Variants in SGCZ observed in about 807,000 individuals in gnomAD.
SGCZ encodes the protein zeta-sarcoglycan.
SGCZ carries 40 observed loss-of-function variants against 41.3 expected under a neutral mutation model. The observed-to-expected ratio is 0.97, with a 90% confidence interval of 0.75 to 1.26. The LOEUF is 1.26. Ranked by LOEUF, SGCZ falls within the 50% of genes most tolerant of loss-of-function variation. SGCZ has a pLI of 0.00. For missense variants in SGCZ, 552 were observed against 369.8 expected, an observed-to-expected ratio of 1.49 and a Z score of -4.04; for synonymous variants, 206 against 137.5, an observed-to-expected ratio of 1.50 and a Z score of -3.49.
chr8:14,624,555 A>ATTATTATTATTTTT (rs1438250019), intron 1 of SGCZ, among the ~76,000 whole-genome samples: 8 of 96,246 alleles, frequency 8.3e-5, no homozygotes, highest in East Asian at 3.9e-4. Flanking sequence ...TATTATTATT[A>ATTATTATTATTTTT]TTTTTTTTTT....
At chr8:14,243,696 G>A (rs962728200) in intron 3 of SGCZ, among the ~76,000 whole-genome samples, 1 of 152,084 alleles carries the variant, frequency 6.6e-6, no homozygotes, top group East Asian at 1.9e-4. Context: ...TCCCAGGCCT[G>A]AAATTCTTAT....
chr8:14,652,355 T>TGAG (rs1218692209), intron 1 of SGCZ, among the ~76,000 whole-genome samples: 1 of 11,476 alleles, frequency 8.7e-5, no homozygotes, highest in Non-Finnish European at 1.9e-4. Flanking sequence ...AAGGGGGGGG[T>TGAG]GTGGGGGGGA....
intron 3 of SGCZ, among the ~76,000 whole-genome samples, chr8:14,278,674 T>C (rs1253669546): frequency 1.3e-5 from 2 of 152,176 alleles, no homozygotes; most frequent in Admixed American, 6.6e-5. Flanking sequence ...GAAATTGCCA[T>C]TGATTTGATA....
chr8:15,203,028 A>G (rs1800943274), intron 1 of SGCZ, among the ~76,000 whole-genome samples: 1 of 152,056 alleles, frequency 6.6e-6, no homozygotes, highest in African/African-American at 2.4e-5. Flanking sequence ...GAGAATCACT[A>G]GAACCTGGGA....
At chr8:14,107,233 A>C (rs1178814451) in intron 6 of SGCZ, among the ~76,000 whole-genome samples, 1 of 129,414 alleles carries the variant, frequency 7.7e-6, no homozygotes, top group African/African-American at 2.9e-5. Flanking sequence ...AAAATAAAAA[A>C]ATAAATAAAA....
chr8:14,538,802 G>A (rs149163696), intron 2 of SGCZ, among the ~76,000 whole-genome samples: 1 of 151,830 alleles, frequency 6.6e-6, no homozygotes, highest in Non-Finnish European at 1.5e-5. Context: ...GACTTTATCT[G>A]TTAGGCAATG....
At chr8:14,301,055 A>C (rs1405889284) in intron 3 of SGCZ, among the ~76,000 whole-genome samples, 4 of 128,688 alleles carry the variant, frequency 3.1e-5, no homozygotes, top group African/African-American at 1.3e-4. Context: ...TTAGAAACAC[A>C]AGAAAATCAT....
At chr8:14,119,176 G>C (rs1172835300) in intron 5 of SGCZ, among the ~76,000 whole-genome samples, 1 of 152,148 alleles carries the variant, frequency 6.6e-6, no homozygotes, top group Non-Finnish European at 1.5e-5. Context: ...TTATGATACT[G>C]ATTCTTCTTA....
chr8:14,867,460 A>C lies in SGCZ; in HGVS notation c.40-312534T>G, dbSNP rs977042724. 5.3e-5 allele frequency among the ~76,000 whole-genome samples: 8 copies of C among 152,258 alleles called. No individual in the cohort carries two copies. The East Asian group carries it at 1.5e-3, about 29-fold the overall frequency. ...TAGAATGATTTATATTCCTTTGGGC[A>C]TACGTCCAGTAGCAGGATTGCTGGG... On this transcript the variant is annotated intron_variant, in intron 1 of 7. Transcript: ENST00000382080.
At chr8:14,303,722 CTA>C (rs1801264781) in intron 3 of SGCZ, among the ~76,000 whole-genome samples, 1 of 151,892 alleles carries the variant, frequency 6.6e-6, no homozygotes, top group African/African-American at 2.4e-5. Context: ...AAATCTCTCT[CTA>C]TATATATATA....
Position 14,193,466 on chromosome 8 carries a change from T to C in SGCZ, c.425-28764A>G, listed in dbSNP as rs79249885. 1.6e-3 allele frequency among the ~76,000 whole-genome samples: 236 copies of C among 152,188 alleles called. 2 individuals carry two copies. The highest frequency in any genetic ancestry group is 5.0e-3 in the East Asian group (26 of 5,174). ...AATGGTTTAATCATACCTTTCAATATACACGGACATATACACCCATCATAA... is the reference window on the plus strand; with the variant it reads ...AATGGTTTAATCATACCTTTCAATACACACGGACATATACACCCATCATAA... On this transcript the variant is annotated intron_variant, in intron 4 of 7. Transcript: ENST00000382080.
At chr8:14,598,933 G>T (rs1417711284) in intron 1 of SGCZ, among the ~76,000 whole-genome samples, 2 of 152,002 alleles carry the variant, frequency 1.3e-5, no homozygotes, top group Non-Finnish European at 2.9e-5. Context: ...TATTAACCTT[G>T]TTTTGTCTTT....
At chr8:14,108,367 T>C (rs949934146) in intron 5 of SGCZ, 132 bp from the exon 6 acceptor site, 3 of 697,972 alleles carry the variant, frequency 4.3e-6, no homozygotes, top group Non-Finnish European at 7.3e-6. Context: ...TATTAGTCCG[T>C]TTTCACACTG....
intron 1 of SGCZ, among the ~76,000 whole-genome samples, chr8:15,135,164 G>A (rs528029020): frequency 1.3e-5 from 2 of 152,200 alleles, no homozygotes; most frequent in Non-Finnish European, 2.9e-5. Context: ...GATAAATTAT[G>A]GTTCTGAGCA....
chr8:14,116,717 C>G (rs897034605), intron 5 of SGCZ, among the ~76,000 whole-genome samples: 3 of 151,974 alleles, frequency 2.0e-5, no homozygotes, highest in Non-Finnish European at 2.9e-5. Flanking sequence ...TTCATGTATA[C>G]CGATAGGTAA....
chr8:14,674,727 TAGTG>T (rs1348573551), intron 1 of SGCZ, among the ~76,000 whole-genome samples: 1 of 151,798 alleles, frequency 6.6e-6, no homozygotes, highest in Admixed American at 6.6e-5. Flanking sequence ...GTCCTTGAAA[TAGTG>T]AGTGAGTTCT....
intron 1 of SGCZ, among the ~76,000 whole-genome samples, chr8:14,715,607 G>A (rs1809663859): frequency 1.3e-5 from 2 of 151,674 alleles, no homozygotes; most frequent in South Asian, 4.1e-4. Flanking sequence ...CATGGCCAAT[G>A]GCAGGCACAT....
rs1802405971 is a variant in SGCZ at position 14,112,484 on chromosome 8, T to C, written c.548-4249A>G. 2.0e-5 allele frequency among the ~76,000 whole-genome samples: 3 copies of C among 152,082 alleles called. No homozygotes were observed. The South Asian group carries it at 6.2e-4, about 31-fold the overall frequency. The stretch of plus-strand genomic sequence containing the variant: ...TTTCTAGATCTCAAGGAACAGAAGA[T>C]TCCTATTTATTTATGATCTTCAAAT... On this transcript the variant is annotated intron_variant, in intron 5 of 7. Transcript: ENST00000382080.
chr8:14,439,497 T>C (rs900027515), intron 2 of SGCZ, among the ~76,000 whole-genome samples: 14 of 151,568 alleles, frequency 9.2e-5, no homozygotes, highest in African/African-American at 3.4e-4. Context: ...AAAACACATA[T>C]CAATATTCCT....
Sources: gnomAD v4.1 joint callset for allele counts (sites outside exome capture counted in the v4.1 genomes callset) on GRCh38, gnomAD v4.1.1 for gene constraint, MANE v1.5 for transcripts, NCBI Gene and HGNC (gene_info 2026-07-23, HGNC 2026-07-21) for gene names.